LTBP2: variants seen among roughly 807,000 people sequenced by gnomAD.
LTBP2 encodes latent-transforming growth factor beta-binding protein 2.
In LTBP2, 103 loss-of-function variants were observed where a neutral mutation model predicts 210.6. That is an observed-to-expected ratio of 0.49 (90% confidence interval 0.42 to 0.58). LTBP2 has a LOEUF of 0.58. Ranked by LOEUF, LTBP2 falls within the 20% of genes least tolerant of loss-of-function variation. The pLI is 0.00. For missense variants in LTBP2, 2,313 were observed against 2,494.5 expected (o/e 0.93, Z 1.55); for synonymous variants, 1,007 against 1,015.0 (o/e 0.99, Z 0.15).
intron 8 of LTBP2, among the ~76,000 whole-genome samples, chr14:74,545,078 A>G (rs145914178): frequency 1.7e-3 from 254 of 152,282 alleles, no homozygotes; most frequent in African/African-American, 5.8e-3. Context: ...CCCAATCTTG[A>G]CGCGCATCCT....
chr14:74,540,867 T>A lies in LTBP2; in HGVS notation c.1790-4867A>T, dbSNP rs368539942. On this transcript the variant is annotated intron_variant, in intron 8 of 35. Coordinates refer to ENST00000261978, the MANE Select transcript of LTBP2 (RefSeq NM_000428.3). Reference sequence around the variant, plus strand: ...TATATATTATATATATTATATATATTTATATATATAATATATATATTATAT... The same window carrying A: ...TATATATTATATATATTATATATATATATATATATAATATATATATTATAT... Among the ~76,000 whole-genome samples the A allele has an allele frequency of 6.3e-3, 422 of 67,490 alleles. 16 individuals carry two copies. Among genetic ancestry groups the A allele is most frequent in the Non-Finnish European group, 0.011 (378 of 33,930 alleles). 44.3% of individuals were successfully genotyped at this position (67,490 alleles called of 152,430 possible).
chr14:74,503,446 C>G, intron 32 of LTBP2, 23 bp downstream of exon 32: 1 of 1,608,976 alleles, frequency 6.2e-7, no homozygotes, highest in Non-Finnish European at 8.5e-7. Context: ...TTCTCCTGCT[C>G]CCCCACGCTC....
chr14:74,545,319 G>A (rs2087563557), intron 8 of LTBP2, among the ~76,000 whole-genome samples: 1 of 152,174 alleles, frequency 6.6e-6, no homozygotes, highest in Admixed American at 6.5e-5. Flanking sequence ...GCTTGCAGGT[G>A]GCTGTACAAA....
At chr14:74,537,681 G>A (rs1461574246) in intron 8 of LTBP2, among the ~76,000 whole-genome samples, 1 of 152,204 alleles carries the variant, frequency 6.6e-6, no homozygotes, top group Non-Finnish European at 1.5e-5. Context: ...GTCATTTACT[G>A]TTGAGAATAT....
At chr14:74,505,848 T>C (rs1248307202) in intron 28 of LTBP2, among the ~76,000 whole-genome samples, 200 bp downstream of exon 28, 2 of 152,152 alleles carry the variant, frequency 1.3e-5, no homozygotes, top group Admixed American at 6.5e-5. Flanking sequence ...GTCGCCACCC[T>C]GTAGCTCCTG....
chr14:74,580,203 G>C (rs527478452), intron 3 of LTBP2, among the ~76,000 whole-genome samples: 77 of 152,330 alleles, frequency 5.1e-4, no homozygotes, highest in Non-Finnish European at 7.5e-4. Flanking sequence ...CAAAGGAAAG[G>C]GGAGAAGAAG....
intron 2 of LTBP2, among the ~76,000 whole-genome samples, chr14:74,593,276 C>T (rs1358749298): frequency 1.3e-5 from 2 of 152,180 alleles, no homozygotes; most frequent in Non-Finnish European, 2.9e-5. Flanking sequence ...CCACCCCATG[C>T]AGGCTGCTCC....
intron 3 of LTBP2, among the ~76,000 whole-genome samples, chr14:74,567,171 G>A (rs550583908): frequency 4.2e-4 from 64 of 152,232 alleles, no homozygotes; most frequent in South Asian, 3.1e-3. Flanking sequence ...CCTGCAGCCC[G>A]GTCCCCCCTC....
At chr14:74,508,218 A>G in intron 24 of LTBP2, 123 bp from the exon 25 acceptor site, 1 of 1,234,926 alleles carries the variant, frequency 8.1e-7, no homozygotes, top group Non-Finnish European at 1.1e-6. Context: ...ATGTAGGAAA[A>G]GGCTCGAAGC....
intron 1 of LTBP2, among the ~76,000 whole-genome samples, chr14:74,607,683 T>C (rs1332224191): frequency 6.6e-6 from 1 of 152,134 alleles, no homozygotes; most frequent in Non-Finnish European, 1.5e-5. Flanking sequence ...TGCAGAAGAA[T>C]AATGAAATAG....
At chr14:74,596,002 G>A (rs1270271664) in intron 2 of LTBP2, among the ~76,000 whole-genome samples, 1 of 152,080 alleles carries the variant, frequency 6.6e-6, no homozygotes, top group African/African-American at 2.4e-5. Flanking sequence ...TTCAAGACCA[G>A]TCTGGCCAAC....
Position 74,611,955 on chromosome 14 carries a change from G to C in LTBP2, c.-11C>G, listed in dbSNP as rs759627134. 7.0e-6 allele frequency: 11 copies of C among 1,564,058 alleles called. No homozygotes were observed. The highest frequency in any genetic ancestry group is 9.5e-6 in the Non-Finnish European group (11 of 1,161,084). On this transcript the variant is annotated 5_prime_UTR_variant, in exon 1 of 36. Transcript: ENST00000261978. ...GGTCCGCGGCCTCATGGCGCGGGGC[G>C]GCTGGAGAGTGGTGCGCGCGGGCAC...
intron 10 of LTBP2, among the ~76,000 whole-genome samples, chr14:74,530,157 C>G (rs1369465445): frequency 6.6e-6 from 1 of 152,230 alleles, no homozygotes. Context: ...CTACAGGAAC[C>G]ACCCTTTCCC....
At chr14:74,588,514 C>T (rs537728270) in intron 2 of LTBP2, among the ~76,000 whole-genome samples, 3 of 152,306 alleles carry the variant, frequency 2.0e-5, no homozygotes, top group Middle Eastern at 3.4e-3. Context: ...AGCCGCCGCA[C>T]GAGGCCGCTG....
At chr14:74,580,248 G>C (rs188786844) in intron 3 of LTBP2, among the ~76,000 whole-genome samples, 1 of 152,242 alleles carries the variant, frequency 6.6e-6, no homozygotes, top group Non-Finnish European at 1.5e-5. Context: ...GTTTTGATGC[G>C]GGTTGAATTG....
chr14:74,509,462 C>G lies in LTBP2; in HGVS notation c.3278-99G>C, dbSNP rs551712854. 2.6e-6 allele frequency: 4 copies of G among 1,554,392 alleles called. No homozygotes were observed. In the African/African-American group the frequency reaches 5.4e-5, roughly 21 times the overall value. Reference sequence around the variant, plus strand: ...GGCTTCCCTCTCTGAGCCCCTGGGGCTTTCCTAAAACCCCCTCCCTAGAAC... The same window carrying G: ...GGCTTCCCTCTCTGAGCCCCTGGGGGTTTCCTAAAACCCCCTCCCTAGAAC... On this transcript the variant is annotated intron_variant, in intron 21 of 35. Transcript: ENST00000261978.
intron 18 of LTBP2, 135 bp downstream of exon 18, chr14:74,516,687 G>T: frequency 1.7e-6 from 2 of 1,193,240 alleles, no homozygotes; most frequent in Non-Finnish European, 2.4e-6. Flanking sequence ...AGGTGTCTCT[G>T]TCCATAGACG....
chr14:74,565,109 C>T (rs2087885259), intron 3 of LTBP2, among the ~76,000 whole-genome samples: 1 of 152,162 alleles, frequency 6.6e-6, no homozygotes, highest in African/African-American at 2.4e-5. Flanking sequence ...AACAGCTACA[C>T]TTTTTCACTC....
Position 74,504,836 on chromosome 14 carries a change from A to G in LTBP2, c.4395T>C (p.Ser1465=), listed in dbSNP as rs747148994. 27 of 1,614,078 alleles carry G rather than the reference A, an allele frequency of 1.7e-5. No homozygotes were observed. Among genetic ancestry groups the G allele is most frequent in the Non-Finnish European group, 2.2e-5 (26 of 1,180,038 alleles). The change falls in exon 30 of 36, where the codon AGT becomes AGC. Residue 1465 remains serine (S), a synonymous_variant. Coordinates refer to ENST00000261978, the MANE Select transcript of LTBP2 (RefSeq NM_000428.3). The part of the protein sequence containing the change: ...DSAEFSEICP[S]GKGYIPVEGA... ...CTTCCACAGGAATGTAGCCTTTTCC[A>G]CTAGGGCAGATCTCGCTGAATTCAG...
Sources: allele counts gnomAD v4.1 joint callset (sites outside exome capture counted in the v4.1 genomes callset), GRCh38; gene constraint gnomAD v4.1.1; transcripts MANE v1.5; gene names NCBI Gene and HGNC (gene_info 2026-07-23, HGNC 2026-07-21).